The following CUX1 variants were observed in gnomAD, a reference collection of about 807,000 sequenced individuals.
CUX1 encodes cut like homeobox 1, also known as protein CASP.
A neutral mutation model predicts 158.8 loss-of-function variants in CUX1; 31 were observed. The ratio of observed to expected loss-of-function variants is 0.20; its 90% confidence interval spans 0.15 to 0.26. The LOEUF (loss-of-function observed/expected upper bound fraction) is 0.26, where lower values mean the gene tolerates loss of function less well. Among genes scored for constraint, CUX1 ranks in the 10% least tolerant of loss-of-function variants. The pLI, the probability that CUX1 is intolerant of heterozygous loss-of-function variation, is 1.00. For missense variants in CUX1, 1,589 were observed against 2,014.6 expected, an observed-to-expected ratio of 0.79 and a Z score of 4.04; for synonymous variants, 879 against 862.1, an observed-to-expected ratio of 1.02 and a Z score of -0.34.
Position 101,817,851 on chromosome 7 carries a change from G to C in CUX1, c.30+182G>C, listed in dbSNP as rs1374215811. Among the ~76,000 whole-genome samples, 1 of 152,192 alleles carries C rather than the reference G, an allele frequency of 6.6e-6. No individual in the cohort carries two copies. The highest frequency in any genetic ancestry group is 1.5e-5 in the Non-Finnish European group (1 of 68,020). On this transcript the variant is annotated intron_variant, in intron 1 of 23. Transcript: ENST00000292535. The surrounding 1 kb of genome is among the most constrained non-coding windows in gnomAD (Gnocchi z 4.1). ...GCTACTCCCAACTGCTAAGGTGTGC[G>C]TGAAGATAAACTTGGCTGAACTTTC...
intron 11 of CUX1, among the ~76,000 whole-genome samples, chr7:102,184,304 T>C (rs1299573587): frequency 6.6e-6 from 1 of 152,228 alleles, no homozygotes; most frequent in Non-Finnish European, 1.5e-5. Flanking sequence ...TTTAAGAGCT[T>C]CAAATAGACA....
chr7:102,046,512 C>G (rs555800312), intron 3 of CUX1, among the ~76,000 whole-genome samples: 1 of 151,214 alleles, frequency 6.6e-6, no homozygotes, highest in Admixed American at 6.6e-5. Context: ...GGATTACAGG[C>G]GTAAGCCACT....
At position 102,256,473 on chromosome 7, in the gene CUX1, C is replaced by T. The variant is rs1388415171; in HGVS notation, c.*7431C>T. ...CTGCCTTCCTCTCCTCCCCTACTCC[C>T]CCAGAGAACCAAGGCGTCTGGGGGA... is the stretch of plus-strand genomic sequence containing the variant. On this transcript the variant is annotated 3_prime_UTR_variant, in exon 24 of 24. Coordinates refer to ENST00000292535, the MANE Select transcript of CUX1 (RefSeq NM_181552.4). 13 of 985,314 alleles carry T rather than the reference C, an allele frequency of 1.3e-5. No homozygotes were observed. The African/African-American group carries it at 2.3e-4, about 17-fold the overall frequency. The allele number at this position is 985,314 out of a possible 1,614,324, so 61.0% of individuals were successfully genotyped here. A position where few individuals can be genotyped will look rare whatever the true frequency, so the allele number is the denominator to read the frequency against.
chr7:102,283,162 A>G, exon 23 of CUX1: 3 of 1,259,828 alleles, frequency 2.4e-6, no homozygotes, highest in Non-Finnish European at 3.5e-6. Flanking sequence ...CTAATCACTT[A>G]GACTCCCCTG....
Position 102,248,768 on chromosome 7 carries a change from C to T in CUX1, c.4244C>T (p.Ala1415Val), listed in dbSNP as rs1327720023. The change falls in exon 24 of 24, where the codon GCG becomes GTG. Residue 1415 changes from alanine to valine, a missense_variant. Physicochemically the swap from Ala to Val is moderately conservative, Grantham distance 64 (BLOSUM62 0). This residue lies in a region of CUX1 where 344 missense variants were observed against 323.7 expected (regional missense o/e 1.06). Transcript: ENST00000292535. This position sits in a 1 kb window ranked among gnomAD's most constrained non-coding sequence, Gnocchi z 5.8. ...PASATATAAP[A>V]APEDAATSAA... The stretch of plus-strand genomic sequence containing the variant: ...TCCGCGACCGCCACCGCCGCGCCCG[C>T]GGCCCCCGAGGACGCCGCTACCTCA... 3.9e-6 allele frequency: 4 copies of T among 1,038,022 alleles called. No individual in the cohort carries two copies. In the Admixed American group the frequency reaches 1.7e-4, roughly 44 times the overall value. The allele number at this position is 1,038,022 out of a possible 1,614,324, so 64.3% of individuals were successfully genotyped here.
intron 3 of CUX1, among the ~76,000 whole-genome samples, chr7:102,046,190 T>C (rs1350913191): frequency 9.2e-5 from 14 of 151,984 alleles, no homozygotes; most frequent in Non-Finnish European, 1.8e-4. Context: ...CCTATGGGAG[T>C]CGGGACAGAG....
intron 11 of CUX1, among the ~76,000 whole-genome samples, chr7:102,186,519 G>A (rs889480203): frequency 5.9e-5 from 9 of 151,948 alleles, no homozygotes; most frequent in East Asian, 1.9e-4. Flanking sequence ...TGAGAAATGC[G>A]TCAATAGGTG....
chr7:101,870,878 G>A (rs1270308522), intron 1 of CUX1, among the ~76,000 whole-genome samples: 1 of 152,238 alleles, frequency 6.6e-6, no homozygotes, highest in African/African-American at 2.4e-5. Context: ...TGCTTATGAA[G>A]TCTGTAAATA....
intron 14 of CUX1, chr7:102,273,288 T>C: frequency 1.3e-6 from 2 of 1,553,462 alleles, no homozygotes; most frequent in Non-Finnish European, 1.7e-6. Flanking sequence ...GACCGTGGGT[T>C]GGAGAGGCAG....
chr7:101,844,502 C>G (rs1224311292), intron 1 of CUX1, among the ~76,000 whole-genome samples: 1 of 152,166 alleles, frequency 6.6e-6, no homozygotes, highest in South Asian at 2.1e-4. Flanking sequence ...CAGAGAGTCA[C>G]GGTTGAGAAA....
At chr7:101,848,770 G>C (rs1212561045) in intron 1 of CUX1, among the ~76,000 whole-genome samples, 1 of 151,908 alleles carries the variant, frequency 6.6e-6, no homozygotes, top group African/African-American at 2.4e-5. Context: ...CAAGCACTTA[G>C]GGAGGCAGAG....
chr7:102,243,633 A>AAT (rs1800461415), intron 23 of CUX1, among the ~76,000 whole-genome samples: 1 of 7,330 alleles, frequency 1.4e-4, no homozygotes, highest in Non-Finnish European at 2.7e-4. Context: ...CTCTACAGAA[A>AAT]ATAATAATAA....
intron 14 of CUX1, among the ~76,000 whole-genome samples, 182 bp downstream of exon 14, chr7:102,195,785 C>G (rs1388732212): frequency 6.6e-6 from 1 of 152,214 alleles, no homozygotes. Context: ...TTCCCTTCCC[C>G]GCCCTGCTTA....
rs1554537565 is a variant in CUX1, at chr7:102,248,103, C to T, written c.3888-309C>T. ...CGGAGATTGAGCCACTGCACTCCAC[C>T]TGGGCAGCAACAGGGAAATTCTGTC... On this transcript the variant is annotated intron_variant, in intron 23 of 23. Transcript: ENST00000292535. This position sits in a 1 kb window ranked among gnomAD's most constrained non-coding sequence, Gnocchi z 5.8. Among the ~76,000 whole-genome samples, 1 of 152,232 alleles carries T rather than the reference C, an allele frequency of 6.6e-6. No individual in the cohort carries two copies. Among genetic ancestry groups the T allele is most frequent in the Non-Finnish European group, 1.5e-5 (1 of 68,048 alleles).
intron 1 of CUX1, among the ~76,000 whole-genome samples, chr7:101,889,094 C>T (rs1800564913): frequency 6.6e-6 from 1 of 151,468 alleles, no homozygotes; most frequent in Admixed American, 6.6e-5. Flanking sequence ...AACCAGACCC[C>T]GTCTCTACAA....
Position 101,916,128 on chromosome 7 carries a change from C to G in CUX1, c.44C>G (p.Ala15Gly), listed in dbSNP as rs778368760. Residue 15 changes from alanine (A) to glycine (G), a missense_variant, in exon 2 of 24, where the codon GCC (alanine) becomes GGC (glycine). Physicochemically the swap from Ala to Gly is moderately conservative, Grantham distance 60. Transcript: ENST00000292535. The surrounding 1 kb of genome is among the most constrained non-coding windows in gnomAD (Gnocchi z 4.4). ...TTTCCCCAACAGAGAGAACTCGATG[C>G]CACCGCAACGGTATTGGCGAACCGG... ...AGARLKRELD[A>G]TATVLANRQD... The G allele has an allele frequency of 1.2e-6, 2 of 1,612,752 alleles. No homozygotes were observed. Among genetic ancestry groups the G allele is most frequent in the South Asian group, 1.1e-5 (1 of 91,054 alleles).
rs373780588 is a variant in CUX1 at position 102,197,070 on chromosome 7, T to G, written c.1659T>G (p.Thr553=). 9.9e-6 allele frequency: 16 copies of G among 1,614,118 alleles called. No individual in the cohort carries two copies. The highest frequency in any genetic ancestry group is 5.0e-5 in the Admixed American group (3 of 60,010). ...TCTCCGAGGGCGAGGAGATGGACAC[T>G]GCAGAAATCGCCCGGCAGGTCAAAG... ...GSVSEGEEMD[T]AEIARQVKEQ... is the part of the protein sequence containing the mutation. Residue 553 remains threonine, a synonymous_variant, in exon 15 of 24, where the codon ACT becomes ACG. Coordinates refer to ENST00000292535, the MANE Select transcript of CUX1 (RefSeq NM_181552.4).
intron 4 of CUX1, among the ~76,000 whole-genome samples, chr7:102,088,482 G>T (rs1428498921): frequency 2.0e-5 from 3 of 151,764 alleles, no homozygotes; most frequent in African/African-American, 7.2e-5. Flanking sequence ...AGAAAAACAA[G>T]AATTAGCTGG....
At chr7:101,917,456 T>C (rs1390787775) in intron 2 of CUX1, among the ~76,000 whole-genome samples, 4 of 152,136 alleles carry the variant, frequency 2.6e-5, no homozygotes, top group African/African-American at 9.7e-5. Flanking sequence ...CGGCTGCCCC[T>C]AAATGTGGGT....
Sources: allele counts gnomAD v4.1 joint callset (sites outside exome capture counted in the v4.1 genomes callset), GRCh38; gene constraint gnomAD v4.1.1; regional missense constraint gnomAD v4.1.1; non-coding constraint Gnocchi (gnomAD v3.1); transcripts MANE v1.5; gene names NCBI Gene and HGNC (gene_info 2026-07-23, HGNC 2026-07-21).